DNAH17: variants seen among roughly 807,000 people sequenced by gnomAD.
The protein encoded by DNAH17 is dynein axonemal heavy chain 17.
DNAH17 carries 376 observed loss-of-function variants against 485.6 expected under a neutral mutation model. The ratio of observed to expected loss-of-function variants is 0.77; its 90% CI spans 0.71 to 0.84. The LOEUF (loss-of-function observed/expected upper bound fraction) is 0.84, where lower values mean the gene tolerates loss of function less well. Ranked by LOEUF, DNAH17 falls within the 40% of genes least tolerant of loss-of-function variation. DNAH17 has a pLI of 0.00. For missense variants in DNAH17, 6,370 were observed against 5,839.3 expected (o/e 1.09, Z -2.96); for synonymous variants, 3,031 against 2,405.9 (o/e 1.26, Z -7.60).
At chr17:78,568,647 G>T (rs533871860) in intron 9 of DNAH17, among the ~76,000 whole-genome samples, 2 of 152,074 alleles carry the variant, frequency 1.3e-5, no homozygotes, top group African/African-American at 4.8e-5. Context: ...CTGCAGTGGC[G>T]CAATCATGAC....
At chr17:78,499,234 G>T in intron 36 of DNAH17, 122 bp from the exon 37 acceptor site, 1 of 658,798 alleles carries the variant, frequency 1.5e-6, no homozygotes, top group Non-Finnish European at 2.4e-6. Flanking sequence ...TCAGGCCCCG[G>T]TGCATTGGAG....
chr17:78,521,795 T>A lies in DNAH17; in HGVS notation c.3864+3214A>T, dbSNP rs560552571. Among the ~76,000 whole-genome samples the A allele has an allele frequency of 3.3e-5, 5 of 152,306 alleles. No individual in the cohort carries two copies. The South Asian group carries it at 1.0e-3, about 32-fold the overall frequency. ...TGAGCTTAGGAATTAGAGACCAGCC[T>A]GGTCAACATGATGAAACCCCATCTC... On this transcript the variant is annotated intron_variant, in intron 25 of 80. Transcript: ENST00000389840.
chr17:78,561,681 G>A (rs546402332), intron 12 of DNAH17, 34 bp downstream of exon 12: 52 of 1,570,180 alleles, frequency 3.3e-5, no homozygotes, highest in Middle Eastern at 1.7e-4. Context: ...CCATGGAGGC[G>A]GGGTGCCTGC....
Position 78,494,326 on chromosome 17 carries a change from C to T in DNAH17, c.6271-153G>A, listed in dbSNP as rs544468462. 11 of 1,198,536 alleles carry T rather than the reference C, an allele frequency of 9.2e-6. No individual in the cohort carries two copies. The African/African-American group carries it at 9.7e-5, about 11-fold the overall frequency. 74.2% of individuals were successfully genotyped at this position (1,198,536 alleles called of 1,614,324 possible). ...CGTCTGCAAGTTCTGCTGTCAATGC[C>T]GAGAGTTGACATAGCTCCACCGCGA... On this transcript the variant is annotated intron_variant, in intron 40 of 80. Transcript: ENST00000389840.
chr17:78,477,648 A>C (rs1039002027), intron 51 of DNAH17, among the ~76,000 whole-genome samples: 1 of 152,170 alleles, frequency 6.6e-6, no homozygotes, highest in Non-Finnish European at 1.5e-5. Context: ...AAGTGCTGGG[A>C]TTACAGGCAT....
chr17:78,485,122 G>T (rs960063772), intron 47 of DNAH17, 89 bp from the exon 48 acceptor site: 37 of 1,454,046 alleles, frequency 2.5e-5, no homozygotes, highest in Non-Finnish European at 3.2e-5. Flanking sequence ...TTCCCCGGAG[G>T]ACAGAAGGTG....
chr17:78,560,779 G>A lies in DNAH17; in HGVS notation c.1992C>T (p.Asp664=), dbSNP rs1464624354. Residue 664 remains aspartate, a synonymous_variant, in exon 13 of 81, where the codon GAC becomes GAT. Coordinates refer to ENST00000389840, the MANE Select transcript of DNAH17 (RefSeq NM_173628.4). The part of the protein sequence containing the change: ...FNLGQPLILR[D]AASNLIHVNF... The stretch of plus-strand genomic sequence containing the variant: ...TGACGTGGATGAGGTTGCTAGCGGC[G>A]TCCCGCAGAATCAGCGGCTGCCCCA... 1.9e-5 allele frequency: 29 copies of A among 1,552,232 alleles called. No homozygotes were observed. The highest frequency in any genetic ancestry group is 5.9e-5 in the South Asian group (5 of 84,066).
chr17:78,511,716 C>T (rs1374703307), intron 26 of DNAH17, among the ~76,000 whole-genome samples: 1 of 152,240 alleles, frequency 6.6e-6, no homozygotes, highest in African/African-American at 2.4e-5. Context: ...TTTTAACCAA[C>T]AGATGGAACC....
intron 68 of DNAH17, 136 bp from the exon 69 acceptor site, chr17:78,449,720 C>A: frequency 1.1e-6 from 1 of 890,986 alleles, no homozygotes; most frequent in Non-Finnish European, 1.7e-6. Flanking sequence ...CTCTGTCGCC[C>A]AGGCTGGAGT....
chr17:78,492,776 T>G lies in DNAH17; in HGVS notation c.6409-11A>C. 5 of 1,606,240 alleles carry G rather than the reference T, an allele frequency of 3.1e-6. No individual in the cohort carries two copies. Among genetic ancestry groups the G allele is most frequent in the Non-Finnish European group, 4.2e-6 (5 of 1,176,592 alleles). ...GAGGGATTTGAGGACCTGGCGAAGGTGGGGGTCACTCACGTGTGACTCCAT... is the reference window on the plus strand; with the variant it reads ...GAGGGATTTGAGGACCTGGCGAAGGGGGGGGTCACTCACGTGTGACTCCAT... On this transcript the variant is annotated splice_polypyrimidine_tract_variant and intron_variant, in intron 41 of 80. Transcript: ENST00000389840.
At chr17:78,550,413 C>CCAGCA (rs1568239972) in intron 16 of DNAH17, among the ~76,000 whole-genome samples, 67 of 151,952 alleles carry the variant, frequency 4.4e-4, no homozygotes, top group South Asian at 1.2e-3. Flanking sequence ...GTGTAGGGGC[C>CCAGCA]CTGACACCCA....
At chr17:78,567,431 T>C (rs2092285708) in intron 9 of DNAH17, among the ~76,000 whole-genome samples, 1 of 152,102 alleles carries the variant, frequency 6.6e-6, no homozygotes, top group African/African-American at 2.4e-5. Context: ...GAGGATAAAG[T>C]TTGGGATCCT....
intron 53 of DNAH17, 47 bp from the exon 54 acceptor site, chr17:78,475,516 C>G (rs1359991113): frequency 6.2e-7 from 1 of 1,611,744 alleles, no homozygotes; most frequent in East Asian, 2.2e-5. Context: ...CACCTGGAAT[C>G]ACCTCTGTCA....
At chr17:78,553,289 T>G (rs1443824806) in intron 14 of DNAH17, among the ~76,000 whole-genome samples, 12 of 32,292 alleles carry the variant, frequency 3.7e-4, no homozygotes, top group East Asian at 2.2e-3. Context: ...TTGTGTTTTT[T>G]TTTTTTTTTT....
chr17:78,501,401 TA>T, intron 34 of DNAH17, 57 bp from the exon 35 acceptor site: 2 of 1,534,566 alleles, frequency 1.3e-6, no homozygotes, highest in Non-Finnish European at 1.8e-6. Flanking sequence ...TAGGGCTGCC[TA>T]AGGAAGGCCA....
intron 16 of DNAH17, 139 bp from the exon 17 acceptor site, chr17:78,544,136 G>T: frequency 2.4e-6 from 3 of 1,235,472 alleles, no homozygotes; most frequent in Non-Finnish European, 2.3e-6. Context: ...CACGATCCAT[G>T]CCCATCAGGG....
At chr17:78,537,243 C>T in intron 19 of DNAH17, 56 bp downstream of exon 19, 1 of 1,515,528 alleles carries the variant, frequency 6.6e-7, no homozygotes, top group Non-Finnish European at 8.9e-7. Context: ...GCGGCAACAC[C>T]AAATGGGGAA....
At chr17:78,426,428 G>A (rs1056924518) in intron 79 of DNAH17, 29 bp downstream of exon 79, 3 of 1,566,978 alleles carry the variant, frequency 1.9e-6, no homozygotes, top group African/African-American at 2.7e-5. Flanking sequence ...CCGAGTCTTA[G>A]GAAGCCTCTC....
In DNAH17 at chr17:78,505,916, T is replaced by G. The variant is rs1029606007; in HGVS notation, c.4804-471A>C. On this transcript the variant is annotated intron_variant, in intron 30 of 80. Coordinates refer to ENST00000389840, the MANE Select transcript of DNAH17 (RefSeq NM_173628.4). Reference sequence around the variant, plus strand: ...TCACCTGAACCCAGGAGGCAGAGGTTGTGGTGAGCCGAGATCGCGCCATTG... The same window carrying G: ...TCACCTGAACCCAGGAGGCAGAGGTGGTGGTGAGCCGAGATCGCGCCATTG... Among the ~76,000 whole-genome samples the G allele has an allele frequency of 4.6e-5, 7 of 152,148 alleles. 1 individual carries two copies. The highest frequency in any genetic ancestry group is 7.4e-5 in the Non-Finnish European group (5 of 68,000).
Sources: allele counts gnomAD v4.1 joint callset (sites outside exome capture counted in the v4.1 genomes callset), GRCh38; gene constraint gnomAD v4.1.1; transcripts MANE v1.5; gene names NCBI Gene and HGNC (gene_info 2026-07-23, HGNC 2026-07-21).